Variants in GNS observed in about 807,000 individuals in gnomAD.
The protein encoded by GNS is glucosamine (N-acetyl)-6-sulfatase, also known as N-acetylglucosamine-6-sulfatase.
Under a neutral mutation model 69.7 loss-of-function variants are expected in GNS, and 40 were observed. The observed-to-expected ratio is 0.57, with a 90% CI of 0.45 to 0.75. The LOEUF (loss-of-function observed/expected upper bound fraction) is 0.75. GNS is among the 30% of genes least tolerant of loss of function. GNS has a pLI of 0.00. For synonymous variants in GNS, 243 were observed against 251.6 expected, an observed-to-expected ratio of 0.97 and a Z score of 0.32; for missense variants, 565 against 685.5, an observed-to-expected ratio of 0.82 and a Z score of 1.96.
At chr12:64,726,527 T>C (rs1565881835) in intron 10 of GNS, among the ~76,000 whole-genome samples, 1 of 152,150 alleles carries the variant, frequency 6.6e-6, no homozygotes, top group Non-Finnish European at 1.5e-5. Context: ...AGAAACAATA[T>C]ATACCTTCAA....
chr12:64,754,318 G>A (rs1464834841), intron 1 of GNS, among the ~76,000 whole-genome samples: 1 of 152,152 alleles, frequency 6.6e-6, no homozygotes, highest in Non-Finnish European at 1.5e-5. Flanking sequence ...GGGAAGAAAG[G>A]GGAACTACTT....
chr12:64,732,495 CTG>C (rs1397826927), intron 9 of GNS, among the ~76,000 whole-genome samples: 1 of 145,568 alleles, frequency 6.9e-6, no homozygotes, highest in Non-Finnish European at 1.5e-5. Context: ...GAGTCTCACT[CTG>C]TTGCCCAGGC....
intron 4 of GNS, among the ~76,000 whole-genome samples, chr12:64,745,242 CAG>C (rs1323986659): frequency 2.1e-5 from 2 of 96,414 alleles, no homozygotes; most frequent in Non-Finnish European, 3.8e-5. Context: ...TTTAAAGAGA[CAG>C]AGTCTCTCTT....
chr12:64,745,939 T>C, intron 3 of GNS: 2 of 560,694 alleles, frequency 3.6e-6, no homozygotes, highest in Non-Finnish European at 6.4e-6. Context: ...AAATCTGGCC[T>C]GATGACTTTT....
intron 8 of GNS, among the ~76,000 whole-genome samples, chr12:64,738,886 C>T (rs911832594): frequency 6.6e-6 from 1 of 151,994 alleles, no homozygotes; most frequent in African/African-American, 2.4e-5. Flanking sequence ...AAGCAAGTCT[C>T]AAGTGAATCC....
intron 1 of GNS, chr12:64,753,117 G>A (rs1450274268): frequency 1.7e-5 from 5 of 286,972 alleles, no homozygotes; most frequent in East Asian, 8.7e-5. Context: ...GGAGCCTTCC[G>A]CCCTATAGAA....
intron 10 of GNS, among the ~76,000 whole-genome samples, chr12:64,725,694 T>C (rs1366238878): frequency 1.3e-5 from 2 of 152,120 alleles, no homozygotes; most frequent in Non-Finnish European, 2.9e-5. Flanking sequence ...CAGTTTTTTT[T>C]CTAATTAGAA....
chr12:64,732,166 G>T (rs7955121), intron 9 of GNS, among the ~76,000 whole-genome samples: 54,493 of 95,058 alleles, frequency 0.57, 16,232 homozygotes, highest in East Asian at 0.84. Flanking sequence ...TTTTTTTTTT[G>T]TTGTTTTTTT....
At chr12:64,724,615 C>T (rs760600982) in intron 10 of GNS, among the ~76,000 whole-genome samples, 18 of 152,070 alleles carry the variant, frequency 1.2e-4, no homozygotes, top group South Asian at 2.1e-4. Context: ...CCCAGCACTT[C>T]GTGAGGCCGA....
chr12:64,729,320 A>C lies in GNS; in HGVS notation c.1099-263T>G, dbSNP rs1869311858. 1.4e-5 allele frequency: 6 copies of C among 427,866 alleles called. No homozygotes were observed. In the East Asian group the frequency reaches 2.3e-4, roughly 17 times the overall value. 26.5% of individuals were successfully genotyped at this position (427,866 alleles called of 1,614,324 possible). ...TTCTACCCATTCTGTTATTGATCAA[A>C]ATGTTTTTTGAAAACTCCTTTGGGA... On this transcript the variant is annotated intron_variant, in intron 9 of 13. Transcript: ENST00000258145.
rs1868799507 is a variant in GNS, at chr12:64,714,447, A to C, written c.*2294T>G. 1 of 152,216 alleles carries C rather than the reference A, an allele frequency of 6.6e-6. No homozygotes were observed. The highest frequency in any genetic ancestry group is 1.5e-5 in the Non-Finnish European group (1 of 68,036). 9.4% of individuals were successfully genotyped at this position (152,216 alleles called of 1,614,324 possible). A position where few individuals can be genotyped will look rare whatever the true frequency, so the allele number is the denominator to read the frequency against. ...GCATTGTGTAGTCTGTTACGCTATA[A>C]ACTGAGGTCTCTTTATGAAAGATTA... On this transcript the variant is annotated 3_prime_UTR_variant, in exon 14 of 14. Coordinates refer to ENST00000258145, the MANE Select transcript of GNS (RefSeq NM_002076.4).
In GNS at chr12:64,722,117, C is replaced by T. The variant is rs141050821; in HGVS notation, c.1309-412G>A. 5.9e-3 allele frequency among the ~76,000 whole-genome samples: 902 copies of T among 152,056 alleles called. 12 individuals carry two copies. Among genetic ancestry groups the T allele is most frequent in the African/African-American group, 0.019 (782 of 41,460 alleles). ...TCAGCTCACTGCAACCTCCACCTCC[C>T]GGGTTCACACGATTATCCTTCCTCA... On this transcript the variant is annotated intron_variant, in intron 11 of 13. Coordinates refer to ENST00000258145, the MANE Select transcript of GNS (RefSeq NM_002076.4).
chr12:64,739,861 T>C (rs1009826346), intron 7 of GNS, among the ~76,000 whole-genome samples: 1 of 152,256 alleles, frequency 6.6e-6, no homozygotes, highest in African/African-American at 2.4e-5. Context: ...AAGGAAGAGT[T>C]GTCCATTCTC....
intron 5 of GNS, among the ~76,000 whole-genome samples, 155 bp downstream of exon 5, chr12:64,744,647 GTTTGTAA>G: frequency 6.6e-6 from 1 of 152,296 alleles, no homozygotes; most frequent in South Asian, 2.1e-4. Flanking sequence ...ACCCTGAGGA[GTTTGTAA>G]TCAGCTGGAA....
intron 10 of GNS, among the ~76,000 whole-genome samples, chr12:64,725,206 C>G (rs1869157293): frequency 6.6e-6 from 1 of 152,158 alleles, no homozygotes; most frequent in African/African-American, 2.4e-5. Context: ...AGTTGTTAAA[C>G]TTTTTTTGTA....
intron 10 of GNS, among the ~76,000 whole-genome samples, chr12:64,726,604 G>A (rs1033388774): frequency 6.6e-6 from 1 of 152,102 alleles, no homozygotes; most frequent in African/African-American, 2.4e-5. Context: ...AAGCGATCCT[G>A]CTACCTCAGC....
intron 6 of GNS, 68 bp from the exon 7 acceptor site, chr12:64,740,756 C>T: frequency 1.3e-6 from 1 of 788,978 alleles, no homozygotes; most frequent in Non-Finnish European, 2.3e-6. Context: ...TGGATTACTA[C>T]AGTAGATAAT....
chr12:64,737,976 C>T (rs745638258), intron 8 of GNS, among the ~76,000 whole-genome samples: 2 of 151,698 alleles, frequency 1.3e-5, no homozygotes, highest in Non-Finnish European at 2.9e-5. Context: ...TTAGGAGATA[C>T]AAGAACTAAA....
intron 10 of GNS, among the ~76,000 whole-genome samples, chr12:64,725,150 G>A (rs1035833165): frequency 1.3e-5 from 2 of 152,284 alleles, no homozygotes; most frequent in Non-Finnish European, 2.9e-5. Context: ...TTTAGTTTCC[G>A]AGTGATTCTG....
Sources: gnomAD v4.1 joint callset for allele counts (sites outside exome capture counted in the v4.1 genomes callset) on GRCh38, gnomAD v4.1.1 for gene constraint, MANE v1.5 for transcripts, NCBI Gene and HGNC (gene_info 2026-07-23, HGNC 2026-07-21) for gene names.